ICE2: variants seen among roughly 807,000 people sequenced by gnomAD.
The protein encoded by ICE2 is interactor of little elongation complex ELL subunit 2.
Under a neutral mutation model 105.4 loss-of-function variants are expected in ICE2, and 87 were observed. That is an observed-to-expected ratio of 0.83 (90% CI 0.69 to 0.99). The LOEUF (loss-of-function observed/expected upper bound fraction) is 0.99. Ranked by LOEUF, ICE2 falls within the 50% of genes least tolerant of loss-of-function variation. The probability of loss-of-function intolerance (pLI) is 0.00; values close to 1 mark genes in which losing one functional copy is unlikely to be tolerated. For missense variants in ICE2, 1,323 were observed against 1,146.7 expected, an observed-to-expected ratio of 1.15 and a Z score of -2.22; for synonymous variants, 399 against 392.0, an observed-to-expected ratio of 1.02 and a Z score of -0.21.
intron 5 of ICE2, among the ~76,000 whole-genome samples, chr15:60,463,012 C>T (rs1426833176): frequency 6.6e-6 from 1 of 152,064 alleles, no homozygotes; most frequent in Admixed American, 6.6e-5. Flanking sequence ...GTACAGCATT[C>T]AATAAATTAC....
At chr15:60,466,508 T>C (rs1326584829) in intron 5 of ICE2, 86 bp downstream of exon 5, 23 of 1,482,034 alleles carry the variant, frequency 1.6e-5, no homozygotes, top group Non-Finnish European at 2.0e-5. Context: ...CAGTTCCGAA[T>C]GCTTTTGGTG....
chr15:60,425,777 G>C (rs2063327541), intron 15 of ICE2, among the ~76,000 whole-genome samples: 1 of 152,172 alleles, frequency 6.6e-6, no homozygotes, highest in East Asian at 1.9e-4. Context: ...CCTGAAAGCT[G>C]TCATCTTACC....
At chr15:60,435,686 A>C (rs1221319096) in intron 13 of ICE2, among the ~76,000 whole-genome samples, 2 of 152,196 alleles carry the variant, frequency 1.3e-5, no homozygotes, top group African/African-American at 2.4e-5. Flanking sequence ...CAAACAGTAC[A>C]TACTGCTGGC....
At chr15:60,431,593 C>T (rs1397408463) in intron 14 of ICE2, among the ~76,000 whole-genome samples, 1 of 152,118 alleles carries the variant, frequency 6.6e-6, no homozygotes, top group South Asian at 2.1e-4. Context: ...GACACCTTGA[C>T]TTTTACCCGG....
In ICE2 at chr15:60,448,112, T is replaced by C. The variant is rs2063865609; in HGVS notation, c.2153A>G (p.Asp718Gly). 1.2e-6 allele frequency: 2 copies of C among 1,612,486 alleles called. No individual in the cohort carries two copies. Among genetic ancestry groups the C allele is most frequent in the Non-Finnish European group, 1.7e-6 (2 of 1,178,802 alleles). Residue 718 changes from aspartate to glycine, a missense_variant, in exon 11 of 16, where the codon GAT becomes GGT. By Grantham distance (94) the Asp-to-Gly change is moderately conservative (BLOSUM62 -1). Coordinates refer to ENST00000261520, the MANE Select transcript of ICE2 (RefSeq NM_024611.6). ...LPYELQDYVE[D>G]TSEYLAPQEG... ...CTGAGGAGCTAGGTATTCCGATGTA[T>C]CTTCAACATAGTCCTGAAGTTCATA... is the stretch of plus-strand genomic sequence containing the variant.
rs1486805103 is a variant in ICE2, at chr15:60,422,007, C to T, written c.*1627G>A. ...AGGCCAAAAGAATAGCTATTCTTTA[C>T]ACAGAATAGCTAAAAAATTTCAATG... On this transcript the variant is annotated 3_prime_UTR_variant, in exon 16 of 16. Transcript: ENST00000261520. 1 of 143,690 alleles carries T rather than the reference C, an allele frequency of 7.0e-6. No individual in the cohort carries two copies. Among genetic ancestry groups the T allele is most frequent in the African/African-American group, 2.5e-5 (1 of 39,848 alleles). The allele number at this position is 143,690 out of a possible 1,614,324, so 8.9% of individuals were successfully genotyped here.
rs1428909896 is a variant in ICE2 at position 60,428,461 on chromosome 15, G to A, written c.2788C>T (p.Pro930Ser). 2.5e-6 allele frequency: 4 copies of A among 1,613,930 alleles called. No homozygotes were observed. The South Asian group carries it at 3.3e-5, about 13-fold the overall frequency. Residue 930 changes from proline to serine, a missense_variant, in exon 15 of 16, where the codon CCG becomes TCG. Pro to Ser is a moderately conservative substitution (Grantham distance 74). Transcript: ENST00000261520. ...HHGRIPCTFP[P>S]KSLDTTTQQK... ...TGTGTTGTGGTATCCAGTGATTTCG[G>A]TGGAAAAGTACAAGGTATTCTTCCA...
At chr15:60,458,237 ATAAC>A (rs981925023) in intron 5 of ICE2, among the ~76,000 whole-genome samples, 2 of 152,174 alleles carry the variant, frequency 1.3e-5, no homozygotes, top group African/African-American at 2.4e-5. Context: ...TCTTTGAAAA[ATAAC>A]TAACTGAACA....
chr15:60,474,690 C>T (rs1319189831), intron 3 of ICE2, among the ~76,000 whole-genome samples: 1 of 152,058 alleles, frequency 6.6e-6, no homozygotes, highest in Non-Finnish European at 1.5e-5. Flanking sequence ...CTTTTTTGTT[C>T]CTTATTTCTT....
rs531194228 is a variant in ICE2 at position 60,479,084 on chromosome 15, G to A, written c.-174C>T. ...CCCCACTCCTCACATTGTCGCGCGC[G>A]CCCAAAAAAGACCATATTTAAAGGA... On this transcript the variant is annotated 5_prime_UTR_variant, in exon 1 of 16. Coordinates refer to ENST00000261520, the MANE Select transcript of ICE2 (RefSeq NM_024611.6). 8.9e-6 allele frequency: 4 copies of A among 448,256 alleles called. No homozygotes were observed. Among genetic ancestry groups the A allele is most frequent in the African/African-American group, 4.0e-5 (2 of 49,822 alleles). The allele number at this position is 448,256 out of a possible 1,614,324, so 27.8% of individuals were successfully genotyped here.
At chr15:60,437,072 G>A (rs1459623872) in intron 12 of ICE2, among the ~76,000 whole-genome samples, 2 of 151,768 alleles carry the variant, frequency 1.3e-5, no homozygotes, top group East Asian at 3.9e-4. Flanking sequence ...GGCCAACATG[G>A]TGAAACCTCG....
chr15:60,442,536 C>G lies in ICE2; in HGVS notation c.2305G>C (p.Val769Leu). Residue 769 changes from valine to leucine, a missense_variant, in exon 12 of 16, where the codon GTT becomes CTT. Transcript: ENST00000261520. ...KRKKIRRQFP[V>L]YVLPKVEYQA... ...TACTCTACTTTTGGTAGTACATAAA[C>G]TGGAAATTGCTGCAATGCAAAATTA... is the stretch of plus-strand genomic sequence containing the variant. The G allele has an allele frequency of 6.4e-7, 1 of 1,564,942 alleles. No homozygotes were observed. Among genetic ancestry groups the G allele is most frequent in the Non-Finnish European group, 8.6e-7 (1 of 1,165,176 alleles).
In ICE2 at chr15:60,449,060, T is replaced by C; in HGVS notation, c.1907A>G (p.Lys636Arg). 6.2e-7 allele frequency: 1 copy of C among 1,613,448 alleles called. No individual in the cohort carries two copies. The highest frequency in any genetic ancestry group is 1.1e-5 in the South Asian group (1 of 90,996). Residue 636 changes from lysine (K) to arginine (R), a missense_variant, in exon 10 of 16, where the codon AAA becomes AGA. By Grantham distance (26) the Lys-to-Arg change is conservative. Transcript: ENST00000261520. ...TGGATCAAATTTTTTATATACTCGT[T>C]TGATAGGTTTTTTTAAAACACATGA... is the stretch of plus-strand genomic sequence containing the variant. The part of the protein sequence containing the change: ...EESCVLKKPI[K>R]RVYKKFDPVG...
intron 15 of ICE2, among the ~76,000 whole-genome samples, chr15:60,426,049 G>A (rs1284596437): frequency 6.6e-6 from 1 of 152,176 alleles, no homozygotes; most frequent in African/African-American, 2.4e-5. Flanking sequence ...ATCTCGTTAA[G>A]TATTTGTTCC....
intron 13 of ICE2, 135 bp downstream of exon 13, chr15:60,436,008 T>C: frequency 2.3e-6 from 1 of 438,810 alleles, no homozygotes; most frequent in Non-Finnish European, 4.1e-6. Context: ...AAAACAAAAC[T>C]GAGTCCAATG....
At chr15:60,425,660 C>T (rs1161166788) in intron 15 of ICE2, among the ~76,000 whole-genome samples, 1 of 152,196 alleles carries the variant, frequency 6.6e-6, no homozygotes, top group Non-Finnish European at 1.5e-5. Context: ...TTCAAGTGGA[C>T]TCGTGACTAT....
Position 60,475,467 on chromosome 15 carries a change from A to G in ICE2, c.146+596T>C, listed in dbSNP as rs545903743. Among the ~76,000 whole-genome samples the G allele has an allele frequency of 4.6e-5, 7 of 152,272 alleles. No individual in the cohort carries two copies. In the South Asian group the frequency reaches 1.4e-3, roughly 32 times the overall value. On this transcript the variant is annotated intron_variant, in intron 3 of 15. Coordinates refer to ENST00000261520, the MANE Select transcript of ICE2 (RefSeq NM_024611.6). ...ATATTGTTTTTAATTACCAAAAAAA[A>G]AGAAGAAAAGGGAACACAACGTTTT...
At chr15:60,464,073 T>C (rs941877870) in intron 5 of ICE2, among the ~76,000 whole-genome samples, 5 of 152,252 alleles carry the variant, frequency 3.3e-5, no homozygotes, top group African/African-American at 7.2e-5. Context: ...TACGTGACAT[T>C]GTACAACATA....
chr15:60,463,022 C>T (rs537903220), intron 5 of ICE2, among the ~76,000 whole-genome samples: 6 of 152,222 alleles, frequency 3.9e-5, no homozygotes, highest in African/African-American at 1.4e-4. Context: ...CAATAAATTA[C>T]AAGACACTCA....
Sources: allele counts gnomAD v4.1 joint callset (sites outside exome capture counted in the v4.1 genomes callset), GRCh38; gene constraint gnomAD v4.1.1; transcripts MANE v1.5; gene names NCBI Gene and HGNC (gene_info 2026-07-23, HGNC 2026-07-21).